PRKCH: variants seen among roughly 807,000 people sequenced by gnomAD.
PRKCH encodes protein kinase C eta type.
Under a neutral mutation model 82.5 loss-of-function variants are expected in PRKCH, and 28 were observed. The ratio of observed to expected loss-of-function variants is 0.34; its 90% confidence interval spans 0.25 to 0.47. The LOEUF is 0.47. Ranked by LOEUF, PRKCH falls within the 20% of genes least tolerant of loss-of-function variation. The pLI, the probability that PRKCH is intolerant of heterozygous loss-of-function variation, is 1.00. For synonymous variants in PRKCH, 322 were observed against 327.4 expected (o/e 0.98, Z 0.18); for missense variants, 705 against 881.8 (o/e 0.80, Z 2.54).
At chr14:61,452,244 T>A (rs1884546047) in intron 6 of PRKCH, among the ~76,000 whole-genome samples, 1 of 152,152 alleles carries the variant, frequency 6.6e-6, no homozygotes, top group Non-Finnish European at 1.5e-5. Flanking sequence ...GGGTTTCCCA[T>A]GAAGCTTAAG....
intron 10 of PRKCH, among the ~76,000 whole-genome samples, chr14:61,517,137 C>T (rs542469505): frequency 9.2e-5 from 14 of 152,276 alleles, no homozygotes; most frequent in African/African-American, 3.4e-4. Flanking sequence ...ATGCTGGCAA[C>T]AGTTTGCATA....
chr14:61,226,536 T>C (rs1260986160), intron 1 of PRKCH, among the ~76,000 whole-genome samples: 2 of 152,188 alleles, frequency 1.3e-5, no homozygotes, highest in African/African-American at 2.4e-5. Flanking sequence ...GGGTGACAGA[T>C]AGATTTATGT....
intron 1 of PRKCH, among the ~76,000 whole-genome samples, chr14:61,365,510 G>A (rs550835405): frequency 4.6e-5 from 7 of 151,980 alleles, no homozygotes; most frequent in Non-Finnish European, 5.9e-5. Context: ...TGTATTTCAC[G>A]TATTTCACTG....
intron 2 of PRKCH, among the ~76,000 whole-genome samples, chr14:61,416,053 CTTTTTTTTTTT>C (rs71117815): frequency 4.2e-5 from 4 of 94,186 alleles, no homozygotes; most frequent in Non-Finnish European, 7.7e-5. Flanking sequence ...CTTTTCTTTT[CTTTTTTTTTTT>C]TTTTTTTTTT....
intron 2 of PRKCH, among the ~76,000 whole-genome samples, chr14:61,431,564 T>A (rs1883398727): frequency 6.7e-6 from 1 of 149,840 alleles, no homozygotes; most frequent in African/African-American, 2.4e-5. Context: ...ATGGATTCGC[T>A]GCTGCTAATG....
intron 1 of PRKCH, among the ~76,000 whole-genome samples, chr14:61,311,548 C>T (rs1211416592): frequency 6.6e-6 from 1 of 152,230 alleles, no homozygotes; most frequent in Non-Finnish European, 1.5e-5. Flanking sequence ...ACTGTTCCAA[C>T]GTCTGCGTGT....
chr14:61,427,534 A>G (rs1296307733), intron 2 of PRKCH, among the ~76,000 whole-genome samples: 2 of 152,156 alleles, frequency 1.3e-5, no homozygotes, highest in Non-Finnish European at 2.9e-5. Flanking sequence ...ATTTCAAAAT[A>G]TGGCAGAGAA....
intron 10 of PRKCH, 101 bp downstream of exon 10, chr14:61,485,757 T>A: frequency 7.1e-7 from 1 of 1,408,252 alleles, no homozygotes; most frequent in African/African-American, 1.5e-5. Flanking sequence ...GAAACCTTTT[T>A]TGGAATTAAA....
intron 9 of PRKCH, among the ~76,000 whole-genome samples, chr14:61,468,541 C>T (rs1885362373): frequency 6.6e-6 from 1 of 152,078 alleles, no homozygotes; most frequent in Non-Finnish European, 1.5e-5. Context: ...GCTTTCTGAC[C>T]TTCTGTAGCT....
intron 1 of PRKCH, among the ~76,000 whole-genome samples, chr14:61,255,065 T>C (rs1471133734): frequency 6.6e-6 from 1 of 152,216 alleles, no homozygotes; most frequent in East Asian, 1.9e-4. Flanking sequence ...TTCAAGATTA[T>C]GGCAGCCCTT....
intron 2 of PRKCH, among the ~76,000 whole-genome samples, chr14:61,414,991 A>G (rs936229670): frequency 1.3e-5 from 2 of 151,310 alleles, no homozygotes; most frequent in Non-Finnish European, 2.9e-5. Context: ...AGGGCCTTTC[A>G]TCTGCAGGGA....
chr14:61,445,791 A>G, intron 4 of PRKCH, 65 bp downstream of exon 4: 1 of 1,469,534 alleles, frequency 6.8e-7, no homozygotes, highest in Non-Finnish European at 9.5e-7. Context: ...GATTATACCA[A>G]GAGAAAACAG....
intron 10 of PRKCH, chr14:61,524,956 G>A (rs1594785006): frequency 6.6e-6 from 1 of 152,204 alleles, no homozygotes; most frequent in African/African-American, 2.4e-5. Flanking sequence ...TTTATGGAGT[G>A]TCCTTCCATC....
At chr14:61,257,631 C>A (rs10136487) in intron 1 of PRKCH, among the ~76,000 whole-genome samples, 13,044 of 41,968 alleles carry the variant, frequency 0.31, 732 homozygotes, top group Middle Eastern at 0.38. Flanking sequence ...ACACACACAC[C>A]CCCACACACA....
intron 1 of PRKCH, among the ~76,000 whole-genome samples, chr14:61,333,645 G>T (rs2045817734): frequency 6.6e-6 from 1 of 151,774 alleles, no homozygotes; most frequent in South Asian, 2.1e-4. Flanking sequence ...TTATTTAGGT[G>T]TTTTCAAAAG....
Position 61,280,566 on chromosome 14 carries a change from G to C in PRKCH, c.-19+92898G>C, listed in dbSNP as rs1158292671. 2 of 1,606,474 alleles carry C rather than the reference G, an allele frequency of 1.2e-6. No homozygotes were observed. Among genetic ancestry groups the C allele is most frequent in the South Asian group, 2.2e-5 (2 of 90,430 alleles). On this transcript the variant is annotated intron_variant, in intron 1 of 3. Coordinates refer to the PRKCH transcript ENST00000555185. This position sits in a 1 kb window ranked among gnomAD's most constrained non-coding sequence, Gnocchi z 5.0. ...GGTAGTCGGTCCACCAGGCGATGCC[G>C]GAGCGGTCGAGCGGCACCTCGACGT...
At chr14:61,494,519 G>T (rs1385035700) in intron 10 of PRKCH, among the ~76,000 whole-genome samples, 1 of 152,248 alleles carries the variant, frequency 6.6e-6, no homozygotes, top group African/African-American at 2.4e-5. Context: ...GATGTGGGCA[G>T]GTTGCTGAAT....
chr14:61,460,206 A>G (rs1442918139), intron 9 of PRKCH, among the ~76,000 whole-genome samples: 5 of 152,200 alleles, frequency 3.3e-5, no homozygotes, highest in East Asian at 1.9e-4. Flanking sequence ...TTGTATTTCT[A>G]TATACCAAGC....
intron 2 of PRKCH, among the ~76,000 whole-genome samples, chr14:61,436,572 G>A (rs941835620): frequency 2.0e-4 from 31 of 152,198 alleles, no homozygotes; most frequent in Middle Eastern, 3.4e-3. Context: ...TCACTCTGTC[G>A]CCCAGGTTGG....
Sources: allele counts gnomAD v4.1 joint callset (sites outside exome capture counted in the v4.1 genomes callset), GRCh38; gene constraint gnomAD v4.1.1; non-coding constraint Gnocchi (gnomAD v3.1); transcripts MANE v1.5; gene names NCBI Gene and HGNC (gene_info 2026-07-23, HGNC 2026-07-21).